REEP5: variants seen among roughly 807,000 people sequenced by gnomAD.
REEP5 encodes receptor accessory protein 5.
REEP5 carries 24 observed loss-of-function variants against 22.4 expected under a neutral mutation model. The ratio of observed to expected loss-of-function variants is 1.07; its 90% confidence interval spans 0.78 to 1.51. REEP5 has a LOEUF of 1.51. Among genes scored for constraint, REEP5 ranks in the 40% most tolerant of loss-of-function variants. REEP5 has a pLI of 0.00. For synonymous variants in REEP5, 103 were observed against 88.6 expected (o/e 1.16, Z -0.92); for missense variants, 252 against 233.0 (o/e 1.08, Z -0.53).
intron 2 of REEP5, among the ~76,000 whole-genome samples, chr5:112,911,816 T>C (rs1014411757): frequency 6.6e-6 from 1 of 152,188 alleles, no homozygotes; most frequent in African/African-American, 2.4e-5. Flanking sequence ...ATTTTTAACT[T>C]GGAAGAACAA....
In REEP5 at chr5:112,877,966, G is replaced by GAGTT. The variant is rs1223768660; in HGVS notation, c.*816_*819dup. ...TATTACTAGTTTTTCAGGGAATTGA[G>GAGTT]AGTTACAGGTTACTCTGTGTGTGTG... On this transcript the variant is annotated 3_prime_UTR_variant, in exon 5 of 5. Transcript: ENST00000379638. 1.3e-5 allele frequency: 2 copies of GAGTT among 149,898 alleles called. No homozygotes were observed. The highest frequency in any genetic ancestry group is 2.1e-4 in the South Asian group (1 of 4,762). The allele number at this position is 149,898 out of a possible 1,614,324, so 9.3% of individuals were successfully genotyped here.
chr5:112,903,649 G>C (rs114995406), intron 2 of REEP5, among the ~76,000 whole-genome samples: 1 of 152,162 alleles, frequency 6.6e-6, no homozygotes, highest in Non-Finnish European at 1.5e-5. Context: ...AGACAGTCAG[G>C]CTGCTAAATC....
chr5:112,908,093 T>G (rs1561657635), intron 2 of REEP5, among the ~76,000 whole-genome samples: 5 of 133,332 alleles, frequency 3.8e-5, no homozygotes, highest in African/African-American at 1.4e-4. Flanking sequence ...AGACTTTCTT[T>G]GTTTTTTGTT....
At chr5:112,917,775 C>T (rs1375899220) in intron 2 of REEP5, among the ~76,000 whole-genome samples, 1 of 152,130 alleles carries the variant, frequency 6.6e-6, no homozygotes, top group Non-Finnish European at 1.5e-5. Context: ...TTGTATGATT[C>T]CGTCTACATG....
chr5:112,883,108 C>G (rs1768127639), intron 4 of REEP5, among the ~76,000 whole-genome samples: 1 of 152,222 alleles, frequency 6.6e-6, no homozygotes, highest in Admixed American at 6.5e-5. Context: ...TTCAAACAGG[C>G]TTTGTTTCTC....
rs1768873739 is a variant in REEP5, at chr5:112,902,456, A to G, written c.275T>C (p.Val92Ala). 1 of 1,612,956 alleles carries G rather than the reference A, an allele frequency of 6.2e-7. No individual in the cohort carries two copies. The highest frequency in any genetic ancestry group is 1.3e-5 in the African/African-American group (1 of 74,864). ...DDTQWLTYWVVYGVFSIAEFF... is the reference protein window; with the variant it reads ...DDTQWLTYWVAYGVFSIAEFF... ...TTCAGCAATGCTGAACACACCATAC[A>G]CTACCCAGTAGGTCAGCCACTGGGT... The change falls in exon 3 of 5, where the codon GTG becomes GCG. Residue 92 changes from valine (V) to alanine (A), a missense_variant. Coordinates refer to ENST00000379638, the MANE Select transcript of REEP5 (RefSeq NM_005669.5).
chr5:112,913,395 AAGAAAGAAAAAAAG>A (rs1769157989), intron 2 of REEP5, among the ~76,000 whole-genome samples: 9 of 150,724 alleles, frequency 6.0e-5, no homozygotes, highest in South Asian at 2.1e-4. Flanking sequence ...AAGAAAGAGA[AAGAAAGAAAAAAAG>A]AAAAGAAAAG....
intron 3 of REEP5, among the ~76,000 whole-genome samples, chr5:112,887,791 A>AT (rs1007441155): frequency 2.6e-5 from 4 of 151,488 alleles, no homozygotes; most frequent in South Asian, 2.1e-4. Flanking sequence ...TGCCATTGAG[A>AT]TTTTTTTTTA....
In REEP5 at chr5:112,890,893, A is replaced by T. The variant is rs900123548; in HGVS notation, c.352-3710T>A. Among the ~76,000 whole-genome samples, 16 of 150,684 alleles carry T rather than the reference A, an allele frequency of 1.1e-4. 1 individual carries two copies. The highest frequency in any genetic ancestry group is 5.9e-4 in the Admixed American group (9 of 15,134). On this transcript the variant is annotated intron_variant, in intron 3 of 4. Transcript: ENST00000379638. ...AAAATAGGTATTAATTGAAAATTTTAAAATTTACCCCTATAATTTTGTAAG... is the reference window on the plus strand; with the variant it reads ...AAAATAGGTATTAATTGAAAATTTTTAAATTTACCCCTATAATTTTGTAAG...
chr5:112,905,601 A>G (rs1056621347), intron 2 of REEP5, among the ~76,000 whole-genome samples: 1 of 143,890 alleles, frequency 6.9e-6, no homozygotes, highest in African/African-American at 2.7e-5. Context: ...ATTTACTTAT[A>G]TATCTTCTTT....
intron 2 of REEP5, among the ~76,000 whole-genome samples, chr5:112,916,461 A>C (rs1043209995): frequency 6.6e-6 from 1 of 152,216 alleles, no homozygotes; most frequent in African/African-American, 2.4e-5. Context: ...TCATAAGTCA[A>C]AGCTACATAA....
intron 4 of REEP5, chr5:112,885,343 CT>C (rs1768210437): frequency 5.7e-6 from 1 of 175,892 alleles, no homozygotes; most frequent in Admixed American, 6.5e-5. Flanking sequence ...GAACCAAAAA[CT>C]TTTGCTAGAA....
chr5:112,902,562 C>A lies in REEP5; in HGVS notation c.213-44G>T, dbSNP rs776583413. The stretch of plus-strand genomic sequence containing the variant: ...GAAAGTATATCATTTGGTAAGATAT[C>A]AATGAAAGATTTTCAAATACACTTT... On this transcript the variant is annotated intron_variant, in intron 2 of 4. Coordinates refer to ENST00000379638, the MANE Select transcript of REEP5 (RefSeq NM_005669.5). The A allele has an allele frequency of 2.6e-6, 4 of 1,510,466 alleles. No homozygotes were observed. The South Asian group carries it at 3.9e-5, about 15-fold the overall frequency. 93.6% of individuals were successfully genotyped at this position (1,510,466 alleles called of 1,614,324 possible).
At chr5:112,881,738 A>C (rs1379417040) in intron 4 of REEP5, among the ~76,000 whole-genome samples, 1 of 152,008 alleles carries the variant, frequency 6.6e-6, no homozygotes, top group African/African-American at 2.4e-5. Flanking sequence ...TTTAGCTCCT[A>C]ACTTAATGTT....
chr5:112,891,652 GAGAAGATGACGTTTCCCA>G (rs1382413107), intron 3 of REEP5: 2 of 1,609,348 alleles, frequency 1.2e-6, no homozygotes, highest in Admixed American at 1.7e-5. Context: ...GGCTGCACTT[GAGAAGATGACGTTTCCCA>G]AGAAGATGAC....
intron 3 of REEP5, chr5:112,891,907 G>T (rs776143293): frequency 2.3e-6 from 3 of 1,314,948 alleles, no homozygotes; most frequent in Non-Finnish European, 3.3e-6. Flanking sequence ...GGCACAAGAA[G>T]AATTCAGAAT....
At chr5:112,880,573 C>T (rs1768041653) in intron 4 of REEP5, among the ~76,000 whole-genome samples, 1 of 152,318 alleles carries the variant, frequency 6.6e-6, no homozygotes, top group Non-Finnish European at 1.5e-5. Flanking sequence ...CCTTAACTAA[C>T]CCTTTGTAGA....
At chr5:112,908,570 G>C (rs1166995028) in intron 2 of REEP5, among the ~76,000 whole-genome samples, 1 of 151,870 alleles carries the variant, frequency 6.6e-6, no homozygotes, top group Non-Finnish European at 1.5e-5. Flanking sequence ...CTGTTGCCCA[G>C]GCTGGAGTGC....
At chr5:112,899,542 TTGAA>T (rs1425004803) in intron 3 of REEP5, among the ~76,000 whole-genome samples, 2 of 152,240 alleles carry the variant, frequency 1.3e-5, no homozygotes, top group Non-Finnish European at 2.9e-5. Context: ...ATACTATTAA[TTGAA>T]TGAACCATTT....
Sources: gnomAD v4.1 joint callset for allele counts (sites outside exome capture counted in the v4.1 genomes callset) on GRCh38, gnomAD v4.1.1 for gene constraint, MANE v1.5 for transcripts, NCBI Gene and HGNC (gene_info 2026-07-23, HGNC 2026-07-21) for gene names.